The following MYH6 variants were observed in gnomAD, a reference collection of about 807,000 sequenced individuals.
The protein encoded by MYH6 is myosin heavy chain 6.
Under a neutral mutation model 223.2 loss-of-function variants are expected in MYH6, and 126 were observed. That is an observed-to-expected ratio of 0.56 (90% CI 0.49 to 0.65). MYH6 has a LOEUF of 0.65. MYH6 is among the 30% of genes least tolerant of loss of function. MYH6 has a pLI of 0.00. For synonymous variants in MYH6, 978 were observed against 1,010.2 expected, an observed-to-expected ratio of 0.97 and a Z score of 0.61; for missense variants, 2,040 against 2,536.4, an observed-to-expected ratio of 0.80 and a Z score of 4.20.
At chr14:23,383,674 G>C (rs1595046921) in intron 36 of MYH6, among the ~76,000 whole-genome samples, 1 of 152,092 alleles carries the variant, frequency 6.6e-6, no homozygotes, top group African/African-American at 2.4e-5. Flanking sequence ...AGGTTCTCTT[G>C]GCCAGTAGTT....
chr14:23,405,472 T>C lies in MYH6; in HGVS notation c.346-93A>G, dbSNP rs113527300. 4.0e-5 allele frequency: 64 copies of C among 1,604,656 alleles called. No homozygotes were observed. The African/African-American group carries it at 6.8e-4, about 17-fold the overall frequency. Reference sequence around the variant, plus strand: ...CAGGCATGTCCCTGTTCACTCCAGCTGGCTCTACTCCTCCTGCAGCTGACT... The same window carrying C: ...CAGGCATGTCCCTGTTCACTCCAGCCGGCTCTACTCCTCCTGCAGCTGACT... On this transcript the variant is annotated intron_variant, in intron 4 of 38. Transcript: ENST00000405093. This position sits in a 1 kb window ranked among gnomAD's most constrained non-coding sequence, Gnocchi z 4.7.
rs761520417 is a variant in MYH6 at position 23,396,991 on chromosome 14, G to T, written c.2140C>A (p.Arg714Ser). The change falls in exon 18 of 39, where the codon CGC (arginine) becomes AGC (serine). Residue 714 changes from arginine to serine, a missense_variant. Transcript: ENST00000405093. The stretch of plus-strand genomic sequence containing the variant: ...TGCCGGAAGTCCCCGTAGAGGATGC[G>T]GTTGGGGAAGCCCTTCCTGCAGATG... Reference protein sequence around the residue: ...IRICRKGFPNRILYGDFRQRY... With the variant: ...IRICRKGFPNSILYGDFRQRY... 1 of 1,613,446 alleles carries T rather than the reference G, an allele frequency of 6.2e-7. No homozygotes were observed. The highest frequency in any genetic ancestry group is 2.2e-5 in the East Asian group (1 of 44,878).
chr14:23,406,654 T>C (rs1051661594), intron 3 of MYH6, among the ~76,000 whole-genome samples: 3 of 152,154 alleles, frequency 2.0e-5, no homozygotes, highest in African/African-American at 7.2e-5. Context: ...GAACGGAATT[T>C]GAGAAAGTGG....
At chr14:23,400,671 G>A (rs776812660) in intron 13 of MYH6, 38 bp downstream of exon 13, 17 of 1,614,134 alleles carry the variant, frequency 1.1e-5, no homozygotes, top group South Asian at 2.2e-5. Flanking sequence ...AGGAGCAAGC[G>A]AGTGATTGTT....
intron 16 of MYH6, 114 bp downstream of exon 16, chr14:23,397,429 G>T (rs894625793): frequency 2.2e-6 from 3 of 1,375,074 alleles, no homozygotes; most frequent in African/African-American, 1.4e-5. Context: ...AAACGACTAC[G>T]TAGCCCTAGC....
At position 23,398,797 on chromosome 14, in the gene MYH6, C is replaced by T. The variant is rs886050409; in HGVS notation, c.1822G>A (p.Ala608Thr). Residue 608 changes from alanine to threonine, a missense_variant, in exon 15 of 39, where the codon GCC (alanine) becomes ACC (threonine). Coordinates refer to ENST00000405093, the MANE Select transcript of MYH6 (RefSeq NM_002471.4). ...TTGAGGGAGGACTTCTGGTACAGGG[C>T]CACAACAGTCTCGTTGAGAGGATCC... ...NKDPLNETVVALYQKSSLKLM... is the reference protein window; with the variant it reads ...NKDPLNETVVTLYQKSSLKLM... 1.4e-5 allele frequency: 23 copies of T among 1,614,080 alleles called. No homozygotes were observed. The South Asian group carries it at 2.1e-4, about 15-fold the overall frequency.
rs1158303073 is a variant in MYH6 at position 23,392,922 on chromosome 14, T to C, written c.3241A>G (p.Lys1081Glu). The C allele has an allele frequency of 1.2e-6, 2 of 1,613,868 alleles. No individual in the cohort carries two copies. Among genetic ancestry groups the C allele is most frequent in the Non-Finnish European group, 1.7e-6 (2 of 1,180,054 alleles). ...ACCACAGTCTCCTACTTCTTAAGCT[T>C]TTCTTCCAGCTGCAGTTTATCATTT... ...LENDKLQLEE[K>E]LKKKEFDINQ... The change falls in exon 24 of 39, where the codon AAG becomes GAG. Residue 1081 changes from lysine to glutamate, a missense_variant. This residue lies in a region of MYH6 where 1,203 missense variants were observed against 1,400.2 expected (regional missense o/e 0.86). Transcript: ENST00000405093.
At position 23,388,162 on chromosome 14, in the gene MYH6, A is replaced by G. The variant is rs764920377; in HGVS notation, c.4352T>C (p.Phe1451Ser). The G allele has an allele frequency of 1.9e-6, 3 of 1,612,194 alleles. No individual in the cohort carries two copies. Among genetic ancestry groups the G allele is most frequent in the African/African-American group, 2.7e-5 (2 of 74,960 alleles). Reference sequence around the variant, plus strand: ...CCCCCGCCCATGGTCCACCTTGTCAAAGTTTCTCTGCTTCTTGTCCAGGGC... The same window carrying G: ...CCCCCGCCCATGGTCCACCTTGTCAGAGTTTCTCTGCTTCTTGTCCAGGGC... ...AAALDKKQRN[F>S]DKILAEWKQK... is the part of the protein sequence containing the mutation. Residue 1451 changes from phenylalanine to serine, a missense_variant, in exon 30 of 39, where the codon TTT becomes TCT. Transcript: ENST00000405093.
At position 23,404,408 on chromosome 14, in the gene MYH6, G is replaced by C. The variant is rs1329545909; in HGVS notation, c.643-20C>G. On this transcript the variant is annotated intron_variant, in intron 7 of 38. Transcript: ENST00000405093. ...GGTGCCCTATGAAAGGAGCAGAACT[G>C]CATGGGTTCATCCTCCATCCACCTC... 2 of 1,612,790 alleles carry C rather than the reference G, an allele frequency of 1.2e-6. No individual in the cohort carries two copies. Among genetic ancestry groups the C allele is most frequent in the African/African-American group, 2.7e-5 (2 of 74,910 alleles).
intron 25 of MYH6, 145 bp downstream of exon 25, chr14:23,392,417 C>T (rs1443594595): frequency 3.9e-6 from 3 of 769,702 alleles, no homozygotes; most frequent in Non-Finnish European, 7.2e-6. Context: ...GCTAGTGTTC[C>T]TGAGCGCCTG....
At chr14:23,398,661 G>T in intron 15 of MYH6, 67 bp downstream of exon 15, 2 of 1,565,406 alleles carry the variant, frequency 1.3e-6, no homozygotes, top group South Asian at 1.1e-5. Context: ...GTGCTTTGAA[G>T]CAGCAGGACC....
intron 29 of MYH6, chr14:23,388,626 G>A (rs748770133): frequency 5.8e-6 from 5 of 858,556 alleles, no homozygotes; most frequent in African/African-American, 4.9e-5. Flanking sequence ...CGTCTTATAC[G>A]TGAGCATCAG....
At chr14:23,397,987 T>TCTTCTTCTTCTC (rs1392542984) in intron 15 of MYH6, among the ~76,000 whole-genome samples, 1 of 143,756 alleles carries the variant, frequency 7.0e-6, no homozygotes, top group Non-Finnish European at 1.5e-5. Context: ...TTCTTCTTCT[T>TCTTCTTCTTCTC]CTTCTTCTTC....
At chr14:23,404,459 G>C in intron 7 of MYH6, 71 bp from the exon 8 acceptor site, 1 of 1,551,542 alleles carries the variant, frequency 6.4e-7, no homozygotes, top group Non-Finnish European at 8.9e-7. Flanking sequence ...GGGCAGGGAG[G>C]CTGCCCTGGC....
In MYH6 at chr14:23,404,870, C is replaced by T. The variant is rs370722404; in HGVS notation, c.531-48G>A. 1.8e-5 allele frequency: 28 copies of T among 1,571,390 alleles called. No homozygotes were observed. The African/African-American group carries it at 3.6e-4, about 20-fold the overall frequency. ...AAAACTCAGGATTCCTACTGTTCTCCATACAGGGCTCAGCATCACATGCTC... is the reference window on the plus strand; with the variant it reads ...AAAACTCAGGATTCCTACTGTTCTCTATACAGGGCTCAGCATCACATGCTC... On this transcript the variant is annotated intron_variant, in intron 6 of 38. Transcript: ENST00000405093.
chr14:23,392,497 G>T, intron 25 of MYH6, 65 bp downstream of exon 25: 2 of 1,203,238 alleles, frequency 1.7e-6, no homozygotes, highest in Non-Finnish European at 2.5e-6. Context: ...CTAAGCAGCT[G>T]CTGCAGCCTC....
At chr14:23,388,420 C>T in intron 29 of MYH6, 82 bp from the exon 30 acceptor site, 1 of 1,572,898 alleles carries the variant, frequency 6.4e-7, no homozygotes, top group Non-Finnish European at 8.7e-7. Flanking sequence ...TCCACCCCCT[C>T]CCTATATCTC....
rs752309025 is a variant in MYH6, at chr14:23,402,480, C to A, written c.1125G>T (p.Glu375Asp). ...CCCTCCCACCTTCGGTGCCGTCTGG[C>A]TCCGCCTGCTCCTCCCGCTGCTTCT... ...FKQKQREEQA[E>D]PDGTEDADKS... The change falls in exon 12 of 39, where the codon GAG (glutamate) becomes GAT (aspartate). Residue 375 changes from glutamate (E) to aspartate (D), a missense_variant. Glu to Asp is a conservative substitution (Grantham distance 45). Coordinates refer to ENST00000405093, the MANE Select transcript of MYH6 (RefSeq NM_002471.4). 6.2e-7 allele frequency: 1 copy of A among 1,613,426 alleles called. No individual in the cohort carries two copies. Among genetic ancestry groups the A allele is most frequent in the Non-Finnish European group, 8.5e-7 (1 of 1,179,974 alleles).
chr14:23,400,870 T>C lies in MYH6; in HGVS notation c.1249A>G (p.Ser417Gly), dbSNP rs199754151. ...VGNEYVTKGQ[S>G]VQQVYYSIGA... ...ATGGAGTAGTACACCTGCTGCACGCTCTGCCCCTTGGTGACATACTCGTTG... is the reference window on the plus strand; with the variant it reads ...ATGGAGTAGTACACCTGCTGCACGCCCTGCCCCTTGGTGACATACTCGTTG... The change falls in exon 13 of 39, where the codon AGC (serine) becomes GGC (glycine). Residue 417 changes from serine (S) to glycine (G), a missense_variant. This residue lies in a region of MYH6 where 649 missense variants were observed against 877.3 expected (regional missense o/e 0.74). Transcript: ENST00000405093. The C allele has an allele frequency of 3.7e-6, 6 of 1,614,216 alleles. No homozygotes were observed. The South Asian group carries it at 5.5e-5, about 15-fold the overall frequency.
Sources: gnomAD v4.1 joint callset for allele counts (sites outside exome capture counted in the v4.1 genomes callset) on GRCh38, gnomAD v4.1.1 for gene constraint, gnomAD v4.1.1 regional missense constraint, Gnocchi (gnomAD v3.1) non-coding constraint, MANE v1.5 for transcripts, NCBI Gene and HGNC (gene_info 2026-07-23, HGNC 2026-07-21) for gene names.